SLCO1B1: variants seen among roughly 807,000 people sequenced by gnomAD.
The protein encoded by SLCO1B1 is solute carrier organic anion transporter family member 1B1, also known as OATP-2.
A neutral mutation model predicts 70.1 loss-of-function variants in SLCO1B1; 81 were observed. That is an observed-to-expected ratio of 1.16 (90% CI 0.97 to 1.39). SLCO1B1 has a LOEUF of 1.39. SLCO1B1 is among the 40% of genes most tolerant of loss of function. The pLI, the probability that SLCO1B1 is intolerant of heterozygous loss-of-function variation, is 0.00. For synonymous variants in SLCO1B1, 283 were observed against 271.5 expected (o/e 1.04, Z -0.42); for missense variants, 895 against 799.6 (o/e 1.12, Z -1.44).
intron 2 of SLCO1B1, among the ~76,000 whole-genome samples, chr12:21,149,502 C>A (rs1211068612): frequency 6.6e-6 from 1 of 152,016 alleles, no homozygotes; most frequent in Admixed American, 6.6e-5. Context: ...ACTGAGGTAC[C>A]CAGCTCATCT....
intron 2 of SLCO1B1, among the ~76,000 whole-genome samples, chr12:21,146,697 G>C (rs959306273): frequency 2.0e-5 from 3 of 151,728 alleles, no homozygotes; most frequent in Non-Finnish European, 4.4e-5. Context: ...TGACTCATAA[G>C]TTACTTAAAA....
At chr12:21,147,571 T>C (rs556130539) in intron 2 of SLCO1B1, among the ~76,000 whole-genome samples, 1 of 152,304 alleles carries the variant, frequency 6.6e-6, no homozygotes, top group East Asian at 1.9e-4. Flanking sequence ...CTGAGAATGA[T>C]GGTTTCCAGC....
intron 2 of SLCO1B1, among the ~76,000 whole-genome samples, chr12:21,161,224 C>G (rs943021591): frequency 6.6e-6 from 1 of 152,100 alleles, no homozygotes; most frequent in Non-Finnish European, 1.5e-5. Flanking sequence ...ATGTTCATTG[C>G]AACATTATTC....
chr12:21,197,624 T>C (rs1941109236), intron 8 of SLCO1B1, among the ~76,000 whole-genome samples: 1 of 152,094 alleles, frequency 6.6e-6, no homozygotes, highest in African/African-American at 2.4e-5. Flanking sequence ...CTGAGAAATA[T>C]ATAGACAATA....
intron 14 of SLCO1B1, among the ~76,000 whole-genome samples, chr12:21,225,053 G>A (rs993253341): frequency 1.8e-4 from 27 of 151,934 alleles, no homozygotes; most frequent in African/African-American, 6.3e-4. Flanking sequence ...TGTTATATAC[G>A]AAGAAACTGT....
intron 7 of SLCO1B1, among the ~76,000 whole-genome samples, chr12:21,190,273 A>C (rs1941014249): frequency 6.6e-6 from 1 of 152,234 alleles, no homozygotes; most frequent in Non-Finnish European, 1.5e-5. Context: ...TGTTAATTAC[A>C]CACAGATTGT....
intron 7 of SLCO1B1, among the ~76,000 whole-genome samples, chr12:21,195,071 A>G (rs1403507548): frequency 6.6e-6 from 1 of 152,256 alleles, no homozygotes; most frequent in South Asian, 2.1e-4. Flanking sequence ...ACCAGGCCCT[A>G]CCTCCAACAT....
intron 7 of SLCO1B1, among the ~76,000 whole-genome samples, chr12:21,183,252 G>T (rs1378745921): frequency 6.6e-6 from 1 of 152,200 alleles, no homozygotes; most frequent in African/African-American, 2.4e-5. Context: ...CTAGAGCGCA[G>T]AGAAGCAATC....
chr12:21,137,848 C>T (rs1940249299), intron 1 of SLCO1B1, among the ~76,000 whole-genome samples: 2 of 152,196 alleles, frequency 1.3e-5, no homozygotes, highest in African/African-American at 2.4e-5. Context: ...CACTGTCCTG[C>T]ACCTACTGTC....
chr12:21,227,573 G>T lies in SLCO1B1; in HGVS notation c.1865+2734G>T, dbSNP rs185591985. ...TATTTAAATATTAATGACAGAAAAT[G>T]TCTCACAAAATGGGAGAAAGAAATG... On this transcript the variant is annotated intron_variant, in intron 14 of 14. Transcript: ENST00000256958. Among the ~76,000 whole-genome samples, 6 of 152,184 alleles carry T rather than the reference G, an allele frequency of 3.9e-5. No homozygotes were observed. In the East Asian group the frequency reaches 1.2e-3, roughly 29 times the overall value.
At chr12:21,137,464 C>G (rs956392346) in intron 1 of SLCO1B1, among the ~76,000 whole-genome samples, 1 of 152,184 alleles carries the variant, frequency 6.6e-6, no homozygotes, top group Non-Finnish European at 1.5e-5. Flanking sequence ...TGTCCTTGAG[C>G]TGTGGTGGGC....
chr12:21,164,464 T>A (rs1307570248), intron 2 of SLCO1B1, among the ~76,000 whole-genome samples: 35 of 152,104 alleles, frequency 2.3e-4, no homozygotes, highest in Admixed American at 2.3e-3. Context: ...GTTATACACT[T>A]TTCATCTCTA....
chr12:21,188,810 C>T (rs931732250), intron 7 of SLCO1B1, among the ~76,000 whole-genome samples: 1 of 152,158 alleles, frequency 6.6e-6, no homozygotes, highest in Non-Finnish European at 1.5e-5. Flanking sequence ...AACCATTCTA[C>T]TCTTTGCTTC....
chr12:21,158,367 C>T (rs948886735), intron 2 of SLCO1B1, among the ~76,000 whole-genome samples: 1 of 151,930 alleles, frequency 6.6e-6, no homozygotes. Flanking sequence ...AGAATAAAAA[C>T]ATAGTTTTTC....
chr12:21,156,732 A>G (rs1045660120), intron 2 of SLCO1B1, among the ~76,000 whole-genome samples: 2 of 152,200 alleles, frequency 1.3e-5, no homozygotes, highest in Non-Finnish European at 2.9e-5. Context: ...GCTGGGGTAC[A>G]TCATCCAATT....
At chr12:21,147,400 T>G (rs2121051639) in intron 2 of SLCO1B1, among the ~76,000 whole-genome samples, 1 of 152,302 alleles carries the variant, frequency 6.6e-6, no homozygotes, top group East Asian at 1.9e-4. Flanking sequence ...ACCCGTCATC[T>G]ACATTAGGAA....
Position 21,225,052 on chromosome 12 carries a change from C to T in SLCO1B1, c.1865+213C>T, listed in dbSNP as rs575942829. Among the ~76,000 whole-genome samples, 7 of 151,794 alleles carry T rather than the reference C, an allele frequency of 4.6e-5. No individual in the cohort carries two copies. The South Asian group carries it at 8.3e-4, about 18-fold the overall frequency. ...ATATTTTCTTCTATTCTGTTATATACGAAGAAACTGTGATTCAAGGATAAT... is the reference window on the plus strand; with the variant it reads ...ATATTTTCTTCTATTCTGTTATATATGAAGAAACTGTGATTCAAGGATAAT... On this transcript the variant is annotated intron_variant, in intron 14 of 14. Coordinates refer to ENST00000256958, the MANE Select transcript of SLCO1B1 (RefSeq NM_006446.5).
At chr12:21,201,541 G>A (rs1228004304) in intron 9 of SLCO1B1, among the ~76,000 whole-genome samples, 1 of 152,000 alleles carries the variant, frequency 6.6e-6, no homozygotes, top group East Asian at 1.9e-4. Context: ...TGTCAGTTCA[G>A]GTTCTGTATG....
intron 11 of SLCO1B1, among the ~76,000 whole-genome samples, chr12:21,210,760 T>G (rs1172169113): frequency 6.7e-6 from 1 of 149,220 alleles, no homozygotes; most frequent in Admixed American, 6.7e-5. Flanking sequence ...TAGTTCTCCT[T>G]GAAGAGGTCC....
Sources: gnomAD v4.1 joint callset for allele counts (sites outside exome capture counted in the v4.1 genomes callset) on GRCh38, gnomAD v4.1.1 for gene constraint, MANE v1.5 for transcripts, NCBI Gene and HGNC (gene_info 2026-07-23, HGNC 2026-07-21) for gene names.